NFIB: variants seen among roughly 807,000 people sequenced by gnomAD.
NFIB encodes nuclear factor I B.
In NFIB, 11 loss-of-function variants were observed where a neutral mutation model predicts 61.5. The observed-to-expected ratio is 0.18, with a 90% CI of 0.11 to 0.30. The LOEUF is 0.30. Ranked by LOEUF, NFIB falls within the 10% of genes least tolerant of loss-of-function variation. The pLI is 1.00. For missense variants in NFIB, 471 were observed against 608.9 expected, an observed-to-expected ratio of 0.77 and a Z score of 2.38; for synonymous variants, 260 against 216.5, an observed-to-expected ratio of 1.20 and a Z score of -1.76.
chr9:14,158,323 C>A (rs1026832861), intron 3 of NFIB, among the ~76,000 whole-genome samples: 1 of 152,130 alleles, frequency 6.6e-6, no homozygotes, highest in Non-Finnish European at 1.5e-5. Flanking sequence ...AAATCCAGCC[C>A]AACCACCACC....
At chr9:14,465,998 G>T in the NFIB span, among the ~76,000 whole-genome samples, 1 of 152,116 alleles carries the variant, frequency 6.6e-6, no homozygotes, top group East Asian at 1.9e-4. Context: ...GTCTCCAATA[G>T]AAAAGCACGG....
intron 2 of NFIB, among the ~76,000 whole-genome samples, chr9:14,211,917 A>G (rs950456167): frequency 2.0e-5 from 3 of 152,266 alleles, no homozygotes; most frequent in African/African-American, 7.2e-5. Context: ...TAAAGCGTTT[A>G]AAGAATGATC....
rs146216563 is a variant in NFIB at position 14,357,611 on chromosome 9, T to C, written c.108+40913A>G. 28 of 152,310 alleles carry C rather than the reference T, an allele frequency of 1.8e-4. No homozygotes were observed. In the East Asian group the frequency reaches 5.4e-3, roughly 29 times the overall value. The allele number at this position is 152,310 out of a possible 1,614,324, so 9.4% of individuals were successfully genotyped here. A position where few individuals can be genotyped will look rare whatever the true frequency, so the allele number is the denominator to read the frequency against. ...CTAAATAGCAGTTTCCTTAATCATG[T>C]GGAAAATAAGAACACTTACTAAAGA... On this transcript the variant is annotated intron_variant, in intron 1 of 8. Coordinates refer to the NFIB transcript ENST00000380934.
the NFIB span, among the ~76,000 whole-genome samples, chr9:14,407,348 G>A: frequency 6.6e-6 from 1 of 152,266 alleles, no homozygotes; most frequent in African/African-American, 2.4e-5. Flanking sequence ...AAATCAGACT[G>A]TTTTTGATTA....
In NFIB at chr9:14,278,115, C is replaced by T. The variant is rs186722321; in HGVS notation, c.562+28874G>A. Among the ~76,000 whole-genome samples the T allele has an allele frequency of 5.3e-5, 8 of 152,286 alleles. No homozygotes were observed. The East Asian group carries it at 9.7e-4, about 18-fold the overall frequency. ...ATTAATCCTAAACTGTCACAACCAT[C>T]CTGATGACCAGTATGTCTTTCTAAT... On this transcript the variant is annotated intron_variant, in intron 2 of 10. Transcript: ENST00000380953.
At chr9:14,295,003 C>T (rs1200399235) in intron 2 of NFIB, among the ~76,000 whole-genome samples, 2 of 152,172 alleles carry the variant, frequency 1.3e-5, no homozygotes, top group Admixed American at 6.5e-5. Context: ...ACACGGTGAT[C>T]CCAAATCACA....
intron 1 of NFIB, among the ~76,000 whole-genome samples, chr9:14,322,607 T>C (rs1475866653): frequency 6.9e-6 from 1 of 143,902 alleles, no homozygotes; most frequent in Non-Finnish European, 1.5e-5. Context: ...ACGGCCGGCC[T>C]GGGCGCGCGG....
intron 4 of NFIB, 32 bp from the exon 5 acceptor site, chr9:14,150,297 G>A: frequency 6.2e-7 from 1 of 1,612,474 alleles, no homozygotes. Flanking sequence ...CACTGGGAAT[G>A]ACATTCGTAT....
rs1325065945 is a variant in NFIB, at chr9:14,388,471, GAGAGAGAGAGAGAA to G, written c.108+10039_108+10052del. ...GAGAAAAAAGAGAGAAAGAAAAAGAGAGAGAGAGAGAGAAAGAGAGAGAGAGAGAAAGTAAGGAG... is the reference window on the plus strand; with the variant it reads ...GAGAAAAAAGAGAGAAAGAAAAAGAGAGAGAGAGAGAGAGAAAGTAAGGAG... On this transcript the variant is annotated intron_variant, in intron 1 of 8. Coordinates refer to the NFIB transcript ENST00000380934. Among the ~76,000 whole-genome samples, 4 of 149,196 alleles carry G rather than the reference GAGAGAGAGAGAGAA, an allele frequency of 2.7e-5. No individual in the cohort carries two copies. The South Asian group carries it at 6.5e-4, about 24-fold the overall frequency.
chr9:14,315,442 C>T (rs1394148560), upstream of NFIB, among the ~76,000 whole-genome samples: 2 of 149,340 alleles, frequency 1.3e-5, no homozygotes, highest in African/African-American at 4.9e-5. Context: ...CGCTGGCTGG[C>T]TCCCAATCCC....
the NFIB span, among the ~76,000 whole-genome samples, chr9:14,519,544 GGTT>G: frequency 2.0e-5 from 3 of 151,916 alleles, no homozygotes; most frequent in African/African-American, 7.3e-5. Context: ...GGGAGGCAGG[GGTT>G]GTTTTTGTTT....
chr9:14,518,341 T>C, the NFIB span, among the ~76,000 whole-genome samples: 1 of 152,198 alleles, frequency 6.6e-6, no homozygotes, highest in Non-Finnish European at 1.5e-5. Flanking sequence ...CAAGGTTACC[T>C]TGAGAACTGA....
At chr9:14,335,290 C>G (rs2060873019) in intron 1 of NFIB, among the ~76,000 whole-genome samples, 1 of 152,176 alleles carries the variant, frequency 6.6e-6, no homozygotes, top group Non-Finnish European at 1.5e-5. Context: ...GGCTGTATCA[C>G]TTCACAATTC....
Position 14,294,699 on chromosome 9 carries a change from G to A in NFIB, c.562+12290C>T, listed in dbSNP as rs775207427. Among the ~76,000 whole-genome samples the A allele has an allele frequency of 5.9e-5, 9 of 152,154 alleles. 1 individual carries two copies. Among genetic ancestry groups the A allele is most frequent in the Non-Finnish European group, 1.0e-4 (7 of 68,028 alleles). The stretch of plus-strand genomic sequence containing the variant: ...ACACCCTAGTTACCCTTTAACTAAT[G>A]GACAAACAGTGAAATAACTTTTCCT... On this transcript the variant is annotated intron_variant, in intron 2 of 10. Transcript: ENST00000380953.
chr9:14,108,397 T>C (rs898424181), intron 10 of NFIB, among the ~76,000 whole-genome samples: 1 of 152,084 alleles, frequency 6.6e-6, no homozygotes, highest in Non-Finnish European at 1.5e-5. Flanking sequence ...TAAACTAATA[T>C]CTTAGTTTAA....
intron 1 of NFIB, among the ~76,000 whole-genome samples, chr9:14,372,952 A>G (rs1204647238): frequency 6.6e-6 from 1 of 151,870 alleles, no homozygotes; most frequent in Non-Finnish European, 1.5e-5. Flanking sequence ...AGAAGCTTAG[A>G]TATGAGCAAG....
In NFIB at chr9:14,141,372, A is replaced by G. The variant is rs2041678953; in HGVS notation, c.925+5317T>C. 2.0e-5 allele frequency among the ~76,000 whole-genome samples: 3 copies of G among 152,216 alleles called. No individual in the cohort carries two copies. In the South Asian group the frequency reaches 6.2e-4, roughly 31 times the overall value. On this transcript the variant is annotated intron_variant, in intron 6 of 10. Transcript: ENST00000380953. ...AGTTTAATTTTTCAAACTACTCTCC[A>G]AATTGTAATAACATGCCAATATACC...
chr9:14,457,896 G>T, the NFIB span, among the ~76,000 whole-genome samples: 1 of 152,130 alleles, frequency 6.6e-6, no homozygotes, highest in Non-Finnish European at 1.5e-5. Flanking sequence ...ACCAAAAAAA[G>T]TCCAGGACCA....
At chr9:14,222,263 T>C (rs1367663345) in intron 2 of NFIB, among the ~76,000 whole-genome samples, 1 of 152,166 alleles carries the variant, frequency 6.6e-6, no homozygotes, top group Non-Finnish European at 1.5e-5. Flanking sequence ...TTATCTACCA[T>C]GGAAGGCAGA....
Sources: gnomAD v4.1 joint callset for allele counts (sites outside exome capture counted in the v4.1 genomes callset) on GRCh38, gnomAD v4.1.1 for gene constraint, MANE v1.5 for transcripts, NCBI Gene and HGNC (gene_info 2026-07-23, HGNC 2026-07-21) for gene names.